The following TCP11L2 variants were observed in gnomAD, a reference collection of about 807,000 sequenced individuals.
The protein encoded by TCP11L2 is t-complex 11 like 2, also known as T-complex protein 11-like protein 2.
Under a neutral mutation model 50.7 loss-of-function variants are expected in TCP11L2, and 39 were observed. That is an observed-to-expected ratio of 0.77 (90% CI 0.60 to 1.01). The LOEUF (loss-of-function observed/expected upper bound fraction) is 1.01, where lower values mean the gene tolerates loss of function less well. TCP11L2 is among the 50% of genes least tolerant of loss of function. The pLI is 0.00. For synonymous variants in TCP11L2, 192 were observed against 219.3 expected, an observed-to-expected ratio of 0.88 and a Z score of 1.10; for missense variants, 612 against 614.7, an observed-to-expected ratio of 1.00 and a Z score of 0.05.
chr12:106,332,925 A>G (rs1282295166), intron 6 of TCP11L2, among the ~76,000 whole-genome samples: 3 of 152,232 alleles, frequency 2.0e-5, no homozygotes, highest in African/African-American at 7.2e-5. Flanking sequence ...TTCTATTTAC[A>G]TAACATTCTT....
At position 106,346,464 on chromosome 12, in the gene TCP11L2, A is replaced by G. The variant is rs2036236738; in HGVS notation, c.1494A>G (p.Ile498Met). The stretch of plus-strand genomic sequence containing the variant: ...TGTATGGACCATTTTATGCAAATAT[A>G]CTTCGAAAGCTGCTCTTCAATGAGG... ...KQVYGPFYANILRKLLFNEEA... is the reference protein window; with the variant it reads ...KQVYGPFYANMLRKLLFNEEA... Residue 498 changes from isoleucine to methionine, a missense_variant, in exon 10 of 10, where the codon ATA becomes ATG. Physicochemically the swap from Ile to Met is conservative, Grantham distance 10. Transcript: ENST00000299045. The G allele has an allele frequency of 6.2e-7, 1 of 1,614,056 alleles. No homozygotes were observed. The highest frequency in any genetic ancestry group is 1.3e-5 in the African/African-American group (1 of 74,938).
At chr12:106,340,673 A>G (rs2036066549) in intron 8 of TCP11L2, among the ~76,000 whole-genome samples, 153 bp from the exon 9 acceptor site, 1 of 152,234 alleles carries the variant, frequency 6.6e-6, no homozygotes, top group Admixed American at 6.5e-5. Flanking sequence ...GGTGGTTGGG[A>G]GGAGTTACTA....
intron 1 of TCP11L2, among the ~76,000 whole-genome samples, chr12:106,305,175 G>T (rs926057390): frequency 6.6e-6 from 1 of 152,066 alleles, no homozygotes; most frequent in African/African-American, 2.4e-5. Context: ...CAACCTCTCT[G>T]GGCCTCAGGA....
chr12:106,341,862 T>G (rs1190310025), intron 9 of TCP11L2, among the ~76,000 whole-genome samples: 1 of 152,212 alleles, frequency 6.6e-6, no homozygotes, highest in Non-Finnish European at 1.5e-5. Flanking sequence ...TTAGCCTGAC[T>G]ATGGTTCATG....
chr12:106,308,700 A>G (rs2034727930), intron 1 of TCP11L2, among the ~76,000 whole-genome samples: 1 of 152,224 alleles, frequency 6.6e-6, no homozygotes, highest in African/African-American at 2.4e-5. Flanking sequence ...GGACCTGAGA[A>G]TCTTGAGGTT....
chr12:106,346,315 C>A lies in TCP11L2; in HGVS notation c.1345C>A (p.Leu449Ile). 3 of 1,612,816 alleles carry A rather than the reference C, an allele frequency of 1.9e-6. No homozygotes were observed. In the East Asian group the frequency reaches 6.7e-5, roughly 36 times the overall value. ...DKRIKLYMRR[L>I]LCLPSPQKCM... ...ACGAATTAAGCTTTACATGAGAAGG[C>A]TACTTTGTCTTCCAAGCCCTCAAAA... is the stretch of plus-strand genomic sequence containing the variant. The change falls in exon 10 of 10, where the codon CTA becomes ATA. Residue 449 changes from leucine (L) to isoleucine (I), a missense_variant. Leu to Ile is a conservative substitution (Grantham distance 5). Coordinates refer to ENST00000299045, the MANE Select transcript of TCP11L2 (RefSeq NM_152772.3).
At chr12:106,319,479 C>T (rs2250441) in intron 4 of TCP11L2, among the ~76,000 whole-genome samples, 19,474 of 152,096 alleles carry the variant, frequency 0.13, 1,820 homozygotes, top group East Asian at 0.39. Flanking sequence ...CCTGGAGTAG[C>T]GTGAAGGCTG....
At chr12:106,301,201 C>A (rs945915905), upstream of TCP11L2, among the ~76,000 whole-genome samples, 1 of 152,104 alleles carries the variant, frequency 6.6e-6, no homozygotes, top group Non-Finnish European at 1.5e-5. Context: ...GGGGACAGCA[C>A]CTTCTATTTA....
At position 106,321,533 on chromosome 12, in the gene TCP11L2, A is replaced by G. The variant is rs1219597214; in HGVS notation, c.462A>G (p.Gln154=). Reference sequence around the variant, plus strand: ...CCGGTGGCAACCGGCTTCGCAACCAAATCTGTGAAGTTTTGGACACAGACC... The same window carrying G: ...CCGGTGGCAACCGGCTTCGCAACCAGATCTGTGAAGTTTTGGACACAGACC... ...LTPGGNRLRN[Q]ICEVLDTDLI... is the part of the protein sequence containing the mutation. Residue 154 remains glutamine (Q), a synonymous_variant, in exon 5 of 10, where the codon CAA becomes CAG. Transcript: ENST00000299045. 2 of 1,614,058 alleles carry G rather than the reference A, an allele frequency of 1.2e-6. No homozygotes were observed. Among genetic ancestry groups the G allele is most frequent in the Admixed American group, 3.3e-5 (2 of 60,000 alleles).
chr12:106,302,530 C>A (rs2034456059), upstream of TCP11L2, among the ~76,000 whole-genome samples: 1 of 151,688 alleles, frequency 6.6e-6, no homozygotes, highest in East Asian at 2.0e-4. Context: ...CCCCCGGCAG[C>A]CCGGACCGCA....
At chr12:106,307,598 G>A (rs1446018174) in intron 1 of TCP11L2, among the ~76,000 whole-genome samples, 1 of 152,158 alleles carries the variant, frequency 6.6e-6, no homozygotes, top group Non-Finnish European at 1.5e-5. Context: ...GACTTACTTG[G>A]AAACTCAAGA....
intron 2 of TCP11L2, chr12:106,312,481 C>G (rs1484517227): frequency 1.2e-5 from 12 of 1,029,318 alleles, no homozygotes; most frequent in Non-Finnish European, 1.4e-5. Flanking sequence ...GGTGTTGTTG[C>G]ATCTGACACC....
At chr12:106,314,535 CTGTGTGTG>C (rs55918458) in intron 3 of TCP11L2, 42 bp downstream of exon 3, 138 of 707,364 alleles carry the variant, frequency 2.0e-4, no homozygotes, top group African/African-American at 5.6e-4. Flanking sequence ...GCTGAAGATT[CTGTGTGTG>C]TGTGTGTGTG....
At chr12:106,327,816 AT>A (rs1320875600) in intron 6 of TCP11L2, among the ~76,000 whole-genome samples, 1 of 152,186 alleles carries the variant, frequency 6.6e-6, no homozygotes, top group Non-Finnish European at 1.5e-5. Context: ...CCAGGAAAAT[AT>A]TTTATTTTGC....
At chr12:106,335,411 A>G (rs753631545) in intron 6 of TCP11L2, among the ~76,000 whole-genome samples, 2 of 152,140 alleles carry the variant, frequency 1.3e-5, no homozygotes, top group African/African-American at 2.4e-5. Flanking sequence ...TCTTCCTCTT[A>G]GATTCTTTCC....
At chr12:106,318,195 A>T (rs1565844496) in intron 3 of TCP11L2, 149 bp from the exon 4 acceptor site, 1 of 399,184 alleles carries the variant, frequency 2.5e-6, no homozygotes, top group Non-Finnish European at 3.9e-6. Flanking sequence ...AATGCATTCA[A>T]CAAGAAAAAT....
At chr12:106,319,288 A>C (rs1034157134) in intron 4 of TCP11L2, among the ~76,000 whole-genome samples, 1 of 152,146 alleles carries the variant, frequency 6.6e-6, no homozygotes, top group Non-Finnish European at 1.5e-5. Context: ...CAAAGGCCCC[A>C]CCTTCTAATA....
intron 9 of TCP11L2, among the ~76,000 whole-genome samples, chr12:106,345,454 A>AT (rs974770875): frequency 1.3e-5 from 2 of 152,104 alleles, no homozygotes; most frequent in African/African-American, 4.8e-5. Context: ...AGATCTCTAG[A>AT]TTTTTCAAGA....
Position 106,311,249 on chromosome 12 carries a change from G to C in TCP11L2, c.157+17G>C. On this transcript the variant is annotated intron_variant, in intron 2 of 9. Transcript: ENST00000299045. Reference sequence around the variant, plus strand: ...CTCCTGCTTGTGAGCCGATGGGGGAGCAGGGGTTGTGGGTGGCAGGGGTAC... The same window carrying C: ...CTCCTGCTTGTGAGCCGATGGGGGACCAGGGGTTGTGGGTGGCAGGGGTAC... The C allele has an allele frequency of 6.2e-7, 1 of 1,611,700 alleles. No individual in the cohort carries two copies.
Sources: allele counts gnomAD v4.1 joint callset (sites outside exome capture counted in the v4.1 genomes callset), GRCh38; gene constraint gnomAD v4.1.1; transcripts MANE v1.5; gene names NCBI Gene and HGNC (gene_info 2026-07-23, HGNC 2026-07-21).